The following OSTF1 variants were observed in gnomAD, a reference collection of about 807,000 sequenced individuals.
OSTF1 encodes the protein osteoclast stimulating factor 1.
Under a neutral mutation model 37.2 loss-of-function variants are expected in OSTF1, and 27 were observed. That is an observed-to-expected ratio of 0.73 (90% CI 0.54 to 1.00). OSTF1 has a LOEUF of 1.00. Among genes scored for constraint, OSTF1 ranks in the 50% least tolerant of loss-of-function variants. The probability of loss-of-function intolerance (pLI) is 0.00; values close to 1 mark genes in which losing one functional copy is unlikely to be tolerated. For missense variants in OSTF1, 232 were observed against 253.8 expected (o/e 0.91, Z 0.58); for synonymous variants, 82 against 89.2 (o/e 0.92, Z 0.46).
intron 9 of OSTF1, among the ~76,000 whole-genome samples, chr9:75,145,400 T>A (rs139287175): frequency 6.6e-6 from 1 of 152,308 alleles, no homozygotes; most frequent in African/African-American, 2.4e-5. Flanking sequence ...TATAGAATAT[T>A]GTGTTCTTTT....
intron 1 of OSTF1, among the ~76,000 whole-genome samples, chr9:75,114,363 G>A (rs537008232): frequency 4.3e-4 from 65 of 151,990 alleles, no homozygotes; most frequent in Non-Finnish European, 8.1e-4. Flanking sequence ...TTCTAAACCT[G>A]CAACATGAGG....
intron 8 of OSTF1, among the ~76,000 whole-genome samples, chr9:75,139,588 T>G (rs1825907332): frequency 6.6e-6 from 1 of 152,076 alleles, no homozygotes; most frequent in Admixed American, 6.5e-5. Context: ...GCCACCACAC[T>G]TGGCTAATTT....
At chr9:75,140,129 G>A (rs867434341) in intron 8 of OSTF1, among the ~76,000 whole-genome samples, 1 of 152,224 alleles carries the variant, frequency 6.6e-6, no homozygotes, top group East Asian at 1.9e-4. Flanking sequence ...ACCAATACGT[G>A]TAGTACGATT....
intron 1 of OSTF1, among the ~76,000 whole-genome samples, chr9:75,104,565 C>A (rs540730937): frequency 2.6e-5 from 4 of 151,996 alleles, no homozygotes; most frequent in Non-Finnish European, 4.4e-5. Context: ...ACAAAAAAAG[C>A]ATTAGAATAT....
intron 7 of OSTF1, among the ~76,000 whole-genome samples, chr9:75,135,729 CAG>C: frequency 6.6e-6 from 1 of 152,316 alleles, no homozygotes; most frequent in South Asian, 2.1e-4. Context: ...GTTCTCTGCT[CAG>C]GGTCTCCCAG....
chr9:75,089,916 G>C (rs1346609308), intron 1 of OSTF1, among the ~76,000 whole-genome samples: 3 of 152,064 alleles, frequency 2.0e-5, no homozygotes, highest in Non-Finnish European at 4.4e-5. Context: ...ATGTACGTAC[G>C]TATGTGGAAT....
chr9:75,120,742 A>T (rs1348908410), intron 2 of OSTF1, among the ~76,000 whole-genome samples: 1 of 152,058 alleles, frequency 6.6e-6, no homozygotes, highest in Non-Finnish European at 1.5e-5. Flanking sequence ...TCAACCTTTT[A>T]TTTGACTAAA....
intron 9 of OSTF1, among the ~76,000 whole-genome samples, chr9:75,144,636 C>G (rs918294223): frequency 1.3e-5 from 2 of 152,178 alleles, no homozygotes; most frequent in East Asian, 3.9e-4. Flanking sequence ...CTGATCATCC[C>G]TTCTTCTTTT....
chr9:75,137,709 G>A, intron 8 of OSTF1, 93 bp downstream of exon 8: 3 of 789,026 alleles, frequency 3.8e-6, no homozygotes, highest in Non-Finnish European at 4.4e-6. Flanking sequence ...AAGAATAATA[G>A]TCTTATTTCA....
At chr9:75,129,320 GT>G (rs1468755951) in intron 3 of OSTF1, among the ~76,000 whole-genome samples, 2 of 152,160 alleles carry the variant, frequency 1.3e-5, no homozygotes, top group Admixed American at 6.5e-5. Flanking sequence ...TTTATTCTGT[GT>G]TTTCTTTATG....
At chr9:75,137,307 G>GCTCCACCAAGTCAGCTTGTA (rs1825858301) in intron 7 of OSTF1, among the ~76,000 whole-genome samples, 2 of 152,062 alleles carry the variant, frequency 1.3e-5, no homozygotes, top group Non-Finnish European at 2.9e-5. Context: ...TTCAGCTCGT[G>GCTCCACCAAGTCAGCTTGTA]CTCCACCAAG....
Position 75,127,620 on chromosome 9 carries a change from G to C in OSTF1, c.132+1G>C, listed in dbSNP as rs1825682151. ...TGATATTATCTACATTACTGACATG[G>C]TAAGTCCAGATAACATCTTGTAATA... On this transcript the variant is annotated splice_donor_variant, in intron 3 of 9. Transcript: ENST00000346234. LOFTEE classifies it high-confidence loss of function. 1.3e-6 allele frequency: 2 copies of C among 1,541,532 alleles called. No individual in the cohort carries two copies. The highest frequency in any genetic ancestry group is 2.3e-5 in the East Asian group (1 of 43,522).
intron 1 of OSTF1, among the ~76,000 whole-genome samples, chr9:75,089,747 C>A (rs1394521353): frequency 1.3e-5 from 2 of 152,184 alleles, no homozygotes; most frequent in East Asian, 3.8e-4. Flanking sequence ...AAATTTAATC[C>A]ATTTACGTCA....
At chr9:75,106,829 C>T (rs1825293931) in intron 1 of OSTF1, among the ~76,000 whole-genome samples, 1 of 151,502 alleles carries the variant, frequency 6.6e-6, no homozygotes, top group African/African-American at 2.4e-5. Context: ...TGTTGCATGC[C>T]TGTAATCCCA....
At chr9:75,144,380 G>A (rs1021082894) in intron 9 of OSTF1, among the ~76,000 whole-genome samples, 45 of 152,166 alleles carry the variant, frequency 3.0e-4, no homozygotes, top group Admixed American at 1.2e-3. Context: ...GTGAGATGAC[G>A]TCTTTACAAA....
At chr9:75,098,902 T>C (rs557173425) in intron 1 of OSTF1, among the ~76,000 whole-genome samples, 23 of 152,232 alleles carry the variant, frequency 1.5e-4, no homozygotes, top group African/African-American at 5.1e-4. Flanking sequence ...CCAGCTATAC[T>C]GGCAGAAACC....
At chr9:75,111,859 T>G (rs1170752873) in intron 1 of OSTF1, among the ~76,000 whole-genome samples, 1 of 140,064 alleles carries the variant, frequency 7.1e-6, no homozygotes, top group Non-Finnish European at 1.5e-5. Flanking sequence ...AGTTTCTCCC[T>G]GTTCCCCAGG....
At chr9:75,100,329 GATTCC>G (rs1587439718) in intron 1 of OSTF1, among the ~76,000 whole-genome samples, 2 of 152,164 alleles carry the variant, frequency 1.3e-5, no homozygotes, top group East Asian at 3.8e-4. Context: ...TTTAAGAAAA[GATTCC>G]ATTGTCTCCA....
chr9:75,131,427 C>T (rs1176278036), intron 4 of OSTF1, among the ~76,000 whole-genome samples: 2 of 152,204 alleles, frequency 1.3e-5, no homozygotes, highest in African/African-American at 4.8e-5. Context: ...TCAAATGCTT[C>T]CTTTTGCATT....
Sources: gnomAD v4.1 joint callset for allele counts (sites outside exome capture counted in the v4.1 genomes callset) on GRCh38, gnomAD v4.1.1 for gene constraint, MANE v1.5 for transcripts, NCBI Gene and HGNC (gene_info 2026-07-23, HGNC 2026-07-21) for gene names.